Variants in MTA3 observed in about 807,000 individuals in gnomAD.
The protein encoded by MTA3 is metastasis associated 1 family member 3.
MTA3 carries 34 observed loss-of-function variants against 83.5 expected under a neutral mutation model. The observed-to-expected ratio is 0.41, with a 90% CI of 0.31 to 0.54. The LOEUF (loss-of-function observed/expected upper bound fraction) is 0.54. Among genes scored for constraint, MTA3 ranks in the 20% least tolerant of loss-of-function variants. The pLI is 0.33. For missense variants in MTA3, 761 were observed against 726.4 expected (o/e 1.05, Z -0.55); for synonymous variants, 303 against 252.7 (o/e 1.20, Z -1.89).
rs1410939224 is a variant in MTA3 at position 42,695,159 on chromosome 2, T to C, written c.892-606T>C. 3.3e-5 allele frequency among the ~76,000 whole-genome samples: 5 copies of C among 151,978 alleles called. No homozygotes were observed. The East Asian group carries it at 9.7e-4, about 29-fold the overall frequency. On this transcript the variant is annotated intron_variant, in intron 9 of 16. Transcript: ENST00000405094. ...AAAGAGAAAGAAATGTTATCAGTTATGATGTTTATAATTTTTAGTAAAATG... is the reference window on the plus strand; with the variant it reads ...AAAGAGAAAGAAATGTTATCAGTTACGATGTTTATAATTTTTAGTAAAATG...
At position 42,606,355 on chromosome 2, in the gene MTA3, C is replaced by T. The variant is rs1051870373; in HGVS notation, c.191-3103C>T. On this transcript the variant is annotated intron_variant, in intron 3 of 16. Coordinates refer to ENST00000405094, the MANE Select transcript of MTA3 (RefSeq NM_001330442.2). ...CTCACCTCTCAGACGGGGCAGCTGC[C>T]GGGCGGAGGGGCTCCTCACTTCTCA... Among the ~76,000 whole-genome samples the T allele has an allele frequency of 2.0e-3, 290 of 147,710 alleles. 3 individuals are homozygous for T. Among genetic ancestry groups the T allele is most frequent in the Admixed American group, 0.011 (165 of 14,860 alleles).
rs570840335 is a variant in MTA3, at chr2:42,614,792, T to A, written c.317+5208T>A. 4.0e-5 allele frequency among the ~76,000 whole-genome samples: 6 copies of A among 151,762 alleles called. No individual in the cohort carries two copies. The South Asian group carries it at 1.2e-3, about 32-fold the overall frequency. ...TAGTTAAAGACCAGCCTGGGCAACA[T>A]TGGGACACCCTGTCTCTATAAATAA... On this transcript the variant is annotated intron_variant, in intron 4 of 16. Transcript: ENST00000405094.
At chr2:42,637,366 G>A (rs1687299598) in intron 4 of MTA3, among the ~76,000 whole-genome samples, 1 of 152,130 alleles carries the variant, frequency 6.6e-6, no homozygotes, top group African/African-American at 2.4e-5. Flanking sequence ...CACATGATTA[G>A]GTTCATTGCT....
chr2:42,560,624 G>T (rs1285707353), intron 2 of MTA3, among the ~76,000 whole-genome samples: 1 of 151,508 alleles, frequency 6.6e-6, no homozygotes, highest in Non-Finnish European at 1.5e-5. Flanking sequence ...AAACCCCAGG[G>T]CGTGGCACGG....
intron 4 of MTA3, among the ~76,000 whole-genome samples, chr2:42,627,971 G>A (rs866910799): frequency 5.9e-5 from 9 of 151,292 alleles, no homozygotes; most frequent in Admixed American, 1.3e-4. Context: ...TGCAATCTCC[G>A]ACTCCCGGGT....
intron 9 of MTA3, among the ~76,000 whole-genome samples, chr2:42,684,451 C>G (rs755570045): frequency 2.0e-5 from 3 of 152,208 alleles, no homozygotes; most frequent in Non-Finnish European, 4.4e-5. Flanking sequence ...TTCACTCATA[C>G]TTAAATTGTT....
intron 6 of MTA3, among the ~76,000 whole-genome samples, chr2:42,646,019 C>T (rs1024986557): frequency 2.6e-5 from 4 of 152,172 alleles, no homozygotes; most frequent in Non-Finnish European, 5.9e-5. Flanking sequence ...AGCCAATCCT[C>T]GTTTACCATT....
intron 8 of MTA3, among the ~76,000 whole-genome samples, chr2:42,674,515 T>C (rs1691145156): frequency 6.6e-6 from 1 of 152,220 alleles, no homozygotes; most frequent in African/African-American, 2.4e-5. Flanking sequence ...GTGCAATGTG[T>C]ATTGGTATCT....
chr2:42,651,708 G>A (rs1688731572), intron 6 of MTA3, among the ~76,000 whole-genome samples: 2 of 151,814 alleles, frequency 1.3e-5, no homozygotes, highest in Admixed American at 1.3e-4. Flanking sequence ...TGAGGCCGGA[G>A]AATCACATAA....
At chr2:42,496,972 G>A (rs571481185) in intron 2 of MTA3, among the ~76,000 whole-genome samples, 2 of 152,188 alleles carry the variant, frequency 1.3e-5, no homozygotes, top group African/African-American at 2.4e-5. Context: ...TTGGAAGGCC[G>A]AGGCAGGCAG....
In MTA3 at chr2:42,620,800, C is replaced by T. The variant is rs572965651; in HGVS notation, c.317+11216C>T. Among the ~76,000 whole-genome samples the T allele has an allele frequency of 1.2e-4, 18 of 152,316 alleles. No homozygotes were observed. The South Asian group carries it at 3.7e-3, about 32-fold the overall frequency. ...TGAGCCACTGGGCCCAGCTGGTTAA[C>T]TCGAGAAAACATGGGATTGTTTGAA... On this transcript the variant is annotated intron_variant, in intron 4 of 16. Coordinates refer to ENST00000405094, the MANE Select transcript of MTA3 (RefSeq NM_001330442.2).
intron 4 of MTA3, among the ~76,000 whole-genome samples, chr2:42,639,825 C>A (rs1573427814): frequency 1.3e-5 from 2 of 152,072 alleles, no homozygotes; most frequent in Non-Finnish European, 2.9e-5. Context: ...CTCATAATAT[C>A]TATTTATAGG....
At chr2:42,620,873 CA>C (rs752146445) in intron 4 of MTA3, among the ~76,000 whole-genome samples, 1 of 152,114 alleles carries the variant, frequency 6.6e-6, no homozygotes, top group Non-Finnish European at 1.5e-5. Context: ...ATTTTTACTT[CA>C]AGATAATCAC....
chr2:42,544,706 G>C (rs982445297), intron 2 of MTA3, among the ~76,000 whole-genome samples: 1 of 151,706 alleles, frequency 6.6e-6, no homozygotes, highest in Non-Finnish European at 1.5e-5. Context: ...AAAAAACAGT[G>C]ATATTCCTTG....
chr2:42,570,264 A>C (rs992799507), intron 1 of MTA3, among the ~76,000 whole-genome samples, 173 bp from the exon 2 acceptor site: 2 of 152,220 alleles, frequency 1.3e-5, no homozygotes, highest in African/African-American at 4.8e-5. Context: ...AAGGTCTGTG[A>C]ATAGTAGGCA....
At chr2:42,718,491 C>G (rs1027839901) in intron 14 of MTA3, among the ~76,000 whole-genome samples, 1 of 151,670 alleles carries the variant, frequency 6.6e-6, no homozygotes, top group African/African-American at 2.4e-5. Flanking sequence ...GGTGATCTAC[C>G]CTCCTTGGCC....
At chr2:42,529,893 T>C (rs973550159) in intron 2 of MTA3, among the ~76,000 whole-genome samples, 5 of 152,060 alleles carry the variant, frequency 3.3e-5, no homozygotes, top group African/African-American at 1.2e-4. Context: ...AACTTCTCAT[T>C]AAGATTACAA....
At chr2:42,672,620 G>A (rs530997147) in intron 8 of MTA3, among the ~76,000 whole-genome samples, 129 of 132,080 alleles carry the variant, frequency 9.8e-4, no homozygotes, top group African/African-American at 3.7e-3. Context: ...ACTCTAGCCC[G>A]GGTCACAGAG....
At chr2:42,653,503 T>TA (rs1290271853) in intron 6 of MTA3, among the ~76,000 whole-genome samples, 2 of 152,230 alleles carry the variant, frequency 1.3e-5, no homozygotes, top group African/African-American at 4.8e-5. Flanking sequence ...ATCAAACTGA[T>TA]ATGAATGTAA....
Sources: allele counts gnomAD v4.1 joint callset (sites outside exome capture counted in the v4.1 genomes callset), GRCh38; gene constraint gnomAD v4.1.1; transcripts MANE v1.5; gene names NCBI Gene and HGNC (gene_info 2026-07-23, HGNC 2026-07-21).